Variants in SHISA9 observed in about 807,000 individuals in gnomAD.
SHISA9 encodes the protein protein shisa-9.
A neutral mutation model predicts 38.0 loss-of-function variants in SHISA9; 13 were observed. The ratio of observed to expected loss-of-function variants is 0.34; its 90% CI spans 0.22 to 0.54. The LOEUF (loss-of-function observed/expected upper bound fraction) is 0.54. SHISA9 is among the 20% of genes least tolerant of loss of function. SHISA9 has a pLI of 0.91. For synonymous variants in SHISA9, 275 were observed against 242.0 expected (o/e 1.14, Z -1.27); for missense variants, 538 against 575.8 (o/e 0.93, Z 0.67).
the SHISA9 span, among the ~76,000 whole-genome samples, chr16:13,269,298 A>G: frequency 1.3e-5 from 2 of 152,242 alleles, no homozygotes; most frequent in African/African-American, 4.8e-5. Context: ...AGCTGTGTAC[A>G]TTGGAAATGC....
rs759472509 is a variant in SHISA9, at chr16:12,902,481, C to G, written c.417C>G (p.Asp139Glu). 4 of 1,551,458 alleles carry G rather than the reference C, an allele frequency of 2.6e-6. No homozygotes were observed. The highest frequency in any genetic ancestry group is 1.4e-5 in the African/African-American group (1 of 73,040). ...CCGGCAAGCCCCCCGCCCGCAAGGA[C>G]GACCCCTTGCACGACCCCACCAAGG... is the stretch of plus-strand genomic sequence containing the variant. ...LNTGKPPARK[D>E]DPLHDPTKDK... Residue 139 changes from aspartate to glutamate, a missense_variant, in exon 1 of 5, where the codon GAC becomes GAG. Physicochemically the swap from Asp to Glu is conservative, Grantham distance 45. This residue lies in a region of SHISA9 where 88 missense variants were observed against 109.7 expected (regional missense o/e 0.80). Transcript: ENST00000558583.
At chr16:13,548,550 C>A in the SHISA9 span, among the ~76,000 whole-genome samples, 1 of 152,078 alleles carries the variant, frequency 6.6e-6, no homozygotes, top group African/African-American at 2.4e-5. Context: ...GGGCAAAAGA[C>A]CTGAACAGAC....
the SHISA9 span, among the ~76,000 whole-genome samples, chr16:13,257,337 C>T: frequency 2.0e-5 from 3 of 152,142 alleles, no homozygotes; most frequent in Admixed American, 1.3e-4. Flanking sequence ...TTATTCATTA[C>T]GTGACAAGTT....
the SHISA9 span, among the ~76,000 whole-genome samples, chr16:13,467,951 C>T: frequency 4.6e-3 from 694 of 152,302 alleles, 8 homozygotes; most frequent in Middle Eastern, 0.031. Flanking sequence ...TTGTACATGT[C>T]GCTATCCTTC....
At chr16:13,052,409 C>T (rs1436533396) in intron 2 of SHISA9, among the ~76,000 whole-genome samples, 1 of 152,124 alleles carries the variant, frequency 6.6e-6, no homozygotes, top group South Asian at 2.1e-4. Flanking sequence ...AGCAATGAGG[C>T]CAAGAAGCCC....
At chr16:13,214,459 G>A (rs1206613444) in intron 4 of SHISA9, among the ~76,000 whole-genome samples, 1 of 152,028 alleles carries the variant, frequency 6.6e-6, no homozygotes, top group African/African-American at 2.4e-5. Context: ...ACCTGCCTTG[G>A]CCTCCCAAAG....
At chr16:13,041,984 G>T (rs983817797) in intron 2 of SHISA9, among the ~76,000 whole-genome samples, 13 of 152,202 alleles carry the variant, frequency 8.5e-5, no homozygotes, top group Admixed American at 3.9e-4. Flanking sequence ...TGACTTTTTG[G>T]TTTCTGGATT....
At chr16:13,401,845 G>T in the SHISA9 span, among the ~76,000 whole-genome samples, 1 of 152,192 alleles carries the variant, frequency 6.6e-6, no homozygotes, top group Non-Finnish European at 1.5e-5. Flanking sequence ...CCGCATGGCT[G>T]GGGAGGCCTC....
At chr16:13,431,751 A>T in the SHISA9 span, among the ~76,000 whole-genome samples, 2 of 152,176 alleles carry the variant, frequency 1.3e-5, no homozygotes, top group Non-Finnish European at 2.9e-5. Context: ...CCTGTAAGAA[A>T]ATATGTATTT....
chr16:13,308,623 T>A, the SHISA9 span, among the ~76,000 whole-genome samples: 6 of 152,156 alleles, frequency 3.9e-5, no homozygotes, highest in Non-Finnish European at 5.9e-5. Flanking sequence ...ACTCTTAGTA[T>A]CTCCATGTTC....
intron 1 of SHISA9, among the ~76,000 whole-genome samples, chr16:12,913,279 C>A (rs1304655383): frequency 6.6e-6 from 1 of 152,130 alleles, no homozygotes; most frequent in Admixed American, 6.5e-5. Flanking sequence ...TCACTGCAAT[C>A]TCCACCTCCT....
At chr16:12,907,813 T>C (rs1266862017) in intron 1 of SHISA9, among the ~76,000 whole-genome samples, 1 of 152,148 alleles carries the variant, frequency 6.6e-6, no homozygotes, top group African/African-American at 2.4e-5. Context: ...TGACATTGGA[T>C]CTGCATTTTC....
At chr16:12,911,435 G>T (rs1305461931) in intron 1 of SHISA9, 1 of 955,730 alleles carries the variant, frequency 1.0e-6, no homozygotes, top group Non-Finnish European at 1.2e-6. Context: ...ACATTTATAA[G>T]CATATGCATG....
intron 2 of SHISA9, among the ~76,000 whole-genome samples, chr16:13,146,153 G>A (rs1445908569): frequency 1.3e-5 from 2 of 152,342 alleles, no homozygotes; most frequent in African/African-American, 2.4e-5. Flanking sequence ...TTGCACCACT[G>A]CACTCCAGGC....
chr16:13,469,365 A>AAGAAAG, the SHISA9 span, among the ~76,000 whole-genome samples: 78 of 64,482 alleles, frequency 1.2e-3, no homozygotes, highest in Admixed American at 2.1e-3. Context: ...AAAGAAAAGA[A>AAGAAAG]AAAGAAAGAA....
At chr16:13,420,590 A>G in the SHISA9 span, among the ~76,000 whole-genome samples, 3 of 152,318 alleles carry the variant, frequency 2.0e-5, no homozygotes, top group Middle Eastern at 3.4e-3. Flanking sequence ...TGTTCCATAT[A>G]GAAGAAACAC....
At chr16:13,284,241 T>C in the SHISA9 span, among the ~76,000 whole-genome samples, 2 of 152,204 alleles carry the variant, frequency 1.3e-5, no homozygotes, top group South Asian at 2.1e-4. Flanking sequence ...AGGTGTTTCC[T>C]CTTTCATGAA....
chr16:13,121,799 A>C (rs147365245), intron 2 of SHISA9, among the ~76,000 whole-genome samples: 1,937 of 150,266 alleles, frequency 0.013, 26 homozygotes, highest in Middle Eastern at 0.031. Context: ...TTGCTTTTAT[A>C]ATAGGTCACA....
the SHISA9 span, among the ~76,000 whole-genome samples, chr16:13,529,521 G>A: frequency 2.0e-5 from 3 of 152,188 alleles, no homozygotes; most frequent in African/African-American, 7.2e-5. Flanking sequence ...GACTTTGCTT[G>A]TAACTTCTGC....
Sources: allele counts gnomAD v4.1 joint callset (sites outside exome capture counted in the v4.1 genomes callset), GRCh38; gene constraint gnomAD v4.1.1; regional missense constraint gnomAD v4.1.1; transcripts MANE v1.5; gene names NCBI Gene and HGNC (gene_info 2026-07-23, HGNC 2026-07-21).